The following SIPA1L1 variants were observed in gnomAD, a reference collection of about 807,000 sequenced individuals.
SIPA1L1 encodes the protein signal-induced proliferation-associated 1-like protein 1.
Under a neutral mutation model 162.7 loss-of-function variants are expected in SIPA1L1, and 26 were observed. That is an observed-to-expected ratio of 0.16 (90% CI 0.12 to 0.22). The LOEUF is 0.22. Among genes scored for constraint, SIPA1L1 ranks in the 10% least tolerant of loss-of-function variants. SIPA1L1 has a pLI of 1.00. For synonymous variants in SIPA1L1, 829 were observed against 837.4 expected, an observed-to-expected ratio of 0.99 and a Z score of 0.17; for missense variants, 1,874 against 2,241.0, an observed-to-expected ratio of 0.84 and a Z score of 3.31.
At chr14:71,371,406 G>A (rs1053514961) in intron 2 of SIPA1L1, among the ~76,000 whole-genome samples, 2 of 151,986 alleles carry the variant, frequency 1.3e-5, no homozygotes, top group African/African-American at 4.8e-5. Flanking sequence ...TATTTTTTTA[G>A]AGACATAGTC....
chr14:71,612,167 A>G (rs2038299172), intron 5 of SIPA1L1, among the ~76,000 whole-genome samples: 1 of 152,162 alleles, frequency 6.6e-6, no homozygotes, highest in South Asian at 2.1e-4. Context: ...AAAAATGGAA[A>G]AGATTTTATT....
At position 71,723,063 on chromosome 14, in the gene SIPA1L1, G is replaced by A. The variant is rs1276093777; in HGVS notation, c.4209-584G>A. On this transcript the variant is annotated intron_variant, in intron 17 of 23. Transcript: ENST00000381232. ...AGTTTTGTAATCTTTAACCAATGTT[G>A]CCCTAGTTTTGTAATCTTTAACCGA... Among the ~76,000 whole-genome samples the A allele has an allele frequency of 2.6e-5, 4 of 152,334 alleles. No homozygotes were observed. The East Asian group carries it at 7.7e-4, about 29-fold the overall frequency.
At chr14:71,594,028 C>G (rs1368875279) in intron 5 of SIPA1L1, among the ~76,000 whole-genome samples, 1 of 152,176 alleles carries the variant, frequency 6.6e-6, no homozygotes, top group African/African-American at 2.4e-5. Context: ...TAACTGTAAG[C>G]CACCAGATTT....
intron 8 of SIPA1L1, among the ~76,000 whole-genome samples, chr14:71,656,981 C>T (rs1230011288): frequency 6.6e-6 from 1 of 152,190 alleles, no homozygotes; most frequent in Non-Finnish European, 1.5e-5. Flanking sequence ...ACTACTGTTG[C>T]CTTTTGGTAT....
intron 11 of SIPA1L1, 29 bp downstream of exon 11, chr14:71,671,721 G>A (rs759690336): frequency 2.0e-6 from 3 of 1,512,484 alleles, no homozygotes; most frequent in Non-Finnish European, 2.7e-6. Context: ...TTCCTTACAT[G>A]CAGTTTCTCT....
chr14:71,706,843 A>G (rs1023953619), intron 16 of SIPA1L1, among the ~76,000 whole-genome samples: 1 of 151,878 alleles, frequency 6.6e-6, no homozygotes, highest in Non-Finnish European at 1.5e-5. Context: ...AGACCAGCCT[A>G]GCCAATATGA....
intron 2 of SIPA1L1, among the ~76,000 whole-genome samples, chr14:71,419,789 G>A (rs61991255): frequency 0.16 from 24,768 of 151,746 alleles, 2,625 homozygotes; most frequent in Middle Eastern, 0.34. Context: ...GAGCCACCGC[G>A]CCCGGCCAAG....
chr14:71,397,067 T>C (rs2041264280), intron 2 of SIPA1L1, among the ~76,000 whole-genome samples: 1 of 152,232 alleles, frequency 6.6e-6, no homozygotes. Flanking sequence ...TGGATGATTC[T>C]GACTGTTGAA....
intron 4 of SIPA1L1, chr14:71,576,571 T>C (rs1203595724): frequency 6.6e-6 from 1 of 152,168 alleles, no homozygotes; most frequent in Non-Finnish European, 1.5e-5. Flanking sequence ...TGGTGGAAAA[T>C]GATGGGCTCA....
At chr14:71,321,058 C>G (rs1350200226) in intron 1 of SIPA1L1, 64 bp from the exon 2 acceptor site, 1 of 152,144 alleles carries the variant, frequency 6.6e-6, no homozygotes, top group Non-Finnish European at 1.5e-5. Context: ...CCTCGCCGCT[C>G]TCCGCAGAGG....
intron 5 of SIPA1L1, among the ~76,000 whole-genome samples, chr14:71,604,392 C>T (rs2037229074): frequency 6.6e-6 from 1 of 152,252 alleles, no homozygotes; most frequent in South Asian, 2.1e-4. Flanking sequence ...TTCTTTCTGC[C>T]TCAACCTCCC....
chr14:71,356,668 A>G (rs1426268226), intron 2 of SIPA1L1, among the ~76,000 whole-genome samples: 1 of 150,646 alleles, frequency 6.6e-6, no homozygotes, highest in East Asian at 2.0e-4. Flanking sequence ...CTGAACTATG[A>G]TGGTGCCACT....
At chr14:71,699,282 G>T (rs980435997) in intron 14 of SIPA1L1, among the ~76,000 whole-genome samples, 155 bp downstream of exon 14, 1 of 152,192 alleles carries the variant, frequency 6.6e-6, no homozygotes, top group Non-Finnish European at 1.5e-5. Context: ...ATAGAAAAAT[G>T]GCTTCATGGC....
At chr14:71,350,021 A>G (rs1311223997) in intron 2 of SIPA1L1, among the ~76,000 whole-genome samples, 1 of 152,172 alleles carries the variant, frequency 6.6e-6, no homozygotes, top group Non-Finnish European at 1.5e-5. Context: ...TGGGGAGGGC[A>G]GGCAGGTGCT....
At chr14:71,438,272 A>C (rs1207444238) in intron 2 of SIPA1L1, among the ~76,000 whole-genome samples, 1 of 151,960 alleles carries the variant, frequency 6.6e-6, no homozygotes, top group African/African-American at 2.4e-5. Context: ...AGTTCCGATA[A>C]TTCCCTCTTT....
chr14:71,326,019 G>GC (rs1244115740), intron 2 of SIPA1L1, among the ~76,000 whole-genome samples: 1 of 152,170 alleles, frequency 6.6e-6, no homozygotes, highest in Non-Finnish European at 1.5e-5. Context: ...AGAACTGACA[G>GC]CCAGTGCTGC....
chr14:71,419,503 T>TG (rs1444941571), intron 2 of SIPA1L1, among the ~76,000 whole-genome samples: 2 of 137,920 alleles, frequency 1.5e-5, no homozygotes, highest in Non-Finnish European at 3.1e-5. Flanking sequence ...TTTTTTTTTT[T>TG]TTTTTGAGAC....
intron 2 of SIPA1L1, among the ~76,000 whole-genome samples, chr14:71,410,653 A>C (rs1309870499): frequency 6.6e-6 from 1 of 152,230 alleles, no homozygotes; most frequent in African/African-American, 2.4e-5. Flanking sequence ...CGTTGGCATT[A>C]AAAACGTTTC....
chr14:71,430,249 C>CT (rs113740409), intron 2 of SIPA1L1, among the ~76,000 whole-genome samples: 5,895 of 150,776 alleles, frequency 0.039, 199 homozygotes, highest in African/African-American at 0.077. Flanking sequence ...TATTCTTTTC[C>CT]TTTTTTTTTG....
Sources: allele counts gnomAD v4.1 joint callset (sites outside exome capture counted in the v4.1 genomes callset), GRCh38; gene constraint gnomAD v4.1.1; transcripts MANE v1.5; gene names NCBI Gene and HGNC (gene_info 2026-07-23, HGNC 2026-07-21).